Variants in SNX10 observed in about 807,000 individuals in gnomAD.
SNX10 encodes sorting nexin 10.
Under a neutral mutation model 28.5 loss-of-function variants are expected in SNX10, and 25 were observed. That is an observed-to-expected ratio of 0.88 (90% CI 0.64 to 1.22). The LOEUF is 1.22. SNX10 is among the 50% of genes most tolerant of loss of function. The pLI is 0.00. For missense variants in SNX10, 223 were observed against 242.6 expected, an observed-to-expected ratio of 0.92 and a Z score of 0.54; for synonymous variants, 62 against 81.4, an observed-to-expected ratio of 0.76 and a Z score of 1.28.
chr7:26,311,211 C>G (rs1356470098), intron 1 of SNX10, among the ~76,000 whole-genome samples: 1 of 152,186 alleles, frequency 6.6e-6, no homozygotes, highest in Non-Finnish European at 1.5e-5. Flanking sequence ...AATGCAGTGT[C>G]AGGATCTCAG....
chr7:26,332,672 G>A (rs1317674105), intron 1 of SNX10, among the ~76,000 whole-genome samples: 1 of 152,118 alleles, frequency 6.6e-6, no homozygotes, highest in Non-Finnish European at 1.5e-5. Flanking sequence ...ACTAACTGCT[G>A]TGTTTTCGTC....
intron 1 of SNX10, among the ~76,000 whole-genome samples, chr7:26,309,093 G>A (rs981847862): frequency 8.5e-5 from 13 of 152,192 alleles, no homozygotes; most frequent in African/African-American, 2.9e-4. Context: ...CTCCATTCAT[G>A]GGGGACTGGG....
chr7:26,325,324 T>TATATATATATATATATATATATATAC (rs1787462854), intron 1 of SNX10, among the ~76,000 whole-genome samples: 1 of 124,896 alleles, frequency 8.0e-6, no homozygotes, highest in Admixed American at 8.1e-5. Flanking sequence ...TATATATATA[T>TATATATATATATATATATATATATAC]ATATTTGAGA....
At chr7:26,328,037 T>G (rs1787572931) in intron 1 of SNX10, among the ~76,000 whole-genome samples, 1 of 152,172 alleles carries the variant, frequency 6.6e-6, no homozygotes, top group South Asian at 2.1e-4. Context: ...ACATTCTTTT[T>G]CTTGTTTATT....
chr7:26,338,183 C>G (rs1346753447), intron 1 of SNX10, among the ~76,000 whole-genome samples: 3 of 140,878 alleles, frequency 2.1e-5, no homozygotes, highest in African/African-American at 8.0e-5. Context: ...GTGGCATGGT[C>G]TTGGCTCACT....
Position 26,364,182 on chromosome 7 carries a change from C to A in SNX10, c.112-353C>A. 3 of 324,844 alleles carry A rather than the reference C, an allele frequency of 9.2e-6. No homozygotes were observed. The highest frequency in any genetic ancestry group is 1.3e-5 in the Non-Finnish European group (3 of 223,952). 20.1% of individuals were successfully genotyped at this position (324,844 alleles called of 1,614,324 possible). On this transcript the variant is annotated intron_variant, in intron 3 of 6. Transcript: ENST00000338523. The surrounding 1 kb of genome is among the most constrained non-coding windows in gnomAD (Gnocchi z 4.9). ...TTACGTGGATGGTGGTAAAATGCAACGGATGAACCTGAGCTCCTACCTGTC... is the reference window on the plus strand; with the variant it reads ...TTACGTGGATGGTGGTAAAATGCAAAGGATGAACCTGAGCTCCTACCTGTC...
intron 1 of SNX10, among the ~76,000 whole-genome samples, chr7:26,314,529 A>G (rs925564368): frequency 6.6e-6 from 1 of 152,226 alleles, no homozygotes; most frequent in Non-Finnish European, 1.5e-5. Flanking sequence ...TTTAAAACAC[A>G]TTGCTCTGAA....
At chr7:26,359,766 C>T (rs1788991432) in intron 2 of SNX10, among the ~76,000 whole-genome samples, 1 of 151,660 alleles carries the variant, frequency 6.6e-6, no homozygotes, top group Non-Finnish European at 1.5e-5. Context: ...TGAGTTAAAG[C>T]GATTCTCCTG....
intron 2 of SNX10, among the ~76,000 whole-genome samples, chr7:26,358,529 T>C (rs919195757): frequency 1.3e-5 from 2 of 151,974 alleles, no homozygotes; most frequent in African/African-American, 4.8e-5. Flanking sequence ...TGCTTGAGCC[T>C]AGGAGTTCAG....
At chr7:26,336,801 T>C (rs1011170329) in intron 1 of SNX10, among the ~76,000 whole-genome samples, 1 of 152,250 alleles carries the variant, frequency 6.6e-6, no homozygotes, top group East Asian at 1.9e-4. Flanking sequence ...TAGTCTGTCA[T>C]GCAGATGGAA....
intron 1 of SNX10, among the ~76,000 whole-genome samples, chr7:26,325,894 AT>A (rs1201300841): frequency 4.0e-5 from 6 of 149,480 alleles, no homozygotes; most frequent in Non-Finnish European, 6.0e-5. Context: ...CACCTGGCTA[AT>A]TTTTGTATTT....
intron 1 of SNX10, among the ~76,000 whole-genome samples, chr7:26,307,596 T>C (rs1786649380): frequency 6.6e-6 from 1 of 152,062 alleles, no homozygotes; most frequent in African/African-American, 2.4e-5. Flanking sequence ...TATGGGTGCG[T>C]GCCATGAAAC....
chr7:26,291,931 A>AGCGCGGGGC lies in SNX10; in HGVS notation c.-171_-170insCGCGCGGGG. Reference sequence around the variant, plus strand: ...GCGCGGGGCCGCTACGTGCGCGGGGAGCGCGGGGAGCGCGGGGAGCGCGGG... The same window carrying AGCGCGGGGC: ...GCGCGGGGCCGCTACGTGCGCGGGGAGCGCGGGGCGCGCGGGGAGCGCGGGGAGCGCGGG... On this transcript the variant is annotated 5_prime_UTR_variant, in exon 1 of 7. Coordinates refer to ENST00000338523, the MANE Select transcript of SNX10 (RefSeq NM_013322.3). 7.0e-6 allele frequency: 1 copy of AGCGCGGGGC among 142,734 alleles called. No homozygotes were observed. The highest frequency in any genetic ancestry group is 1.5e-5 in the Non-Finnish European group (1 of 64,554). 8.8% of individuals were successfully genotyped at this position (142,734 alleles called of 1,614,324 possible). A position where few individuals can be genotyped will look rare whatever the true frequency, so the allele number is the denominator to read the frequency against.
At position 26,360,962 on chromosome 7, in the gene SNX10, G is replaced by A. The variant is rs1486148511; in HGVS notation, c.25-13G>A. ...TTCTGAAGAATATTTCTTTGTTTAT[G>A]ATGCCATTACAGGAATTTGTAAGTG... On this transcript the variant is annotated splice_polypyrimidine_tract_variant and intron_variant, in intron 2 of 6. Coordinates refer to ENST00000338523, the MANE Select transcript of SNX10 (RefSeq NM_013322.3). 1.3e-6 allele frequency: 2 copies of A among 1,567,318 alleles called. No individual in the cohort carries two copies. Among genetic ancestry groups the A allele is most frequent in the African/African-American group, 2.7e-5 (2 of 72,978 alleles).
chr7:26,373,885 A>G lies in SNX10; in HGVS notation c.*1313A>G, dbSNP rs929244072. ...GTCTTTACAATGCTTGTTTCAAAGAACCAACAGAAAAAAAAGCTAAGAAAA... is the reference window on the plus strand; with the variant it reads ...GTCTTTACAATGCTTGTTTCAAAGAGCCAACAGAAAAAAAAGCTAAGAAAA... On this transcript the variant is annotated 3_prime_UTR_variant, in exon 7 of 7. Coordinates refer to ENST00000338523, the MANE Select transcript of SNX10 (RefSeq NM_013322.3). This position sits in a 1 kb window ranked among gnomAD's most constrained non-coding sequence, Gnocchi z 4.2. 1.3e-5 allele frequency: 2 copies of G among 152,048 alleles called. No homozygotes were observed. Among genetic ancestry groups the G allele is most frequent in the Non-Finnish European group, 2.9e-5 (2 of 67,886 alleles). 9.4% of individuals were successfully genotyped at this position (152,048 alleles called of 1,614,324 possible).
intron 1 of SNX10, among the ~76,000 whole-genome samples, chr7:26,310,553 G>T (rs961660609): frequency 3.3e-5 from 5 of 152,138 alleles, no homozygotes; most frequent in African/African-American, 1.2e-4. Flanking sequence ...CTTTGGGGAG[G>T]TGGCCTTTAA....
chr7:26,318,548 A>G (rs908162405), intron 1 of SNX10, among the ~76,000 whole-genome samples: 1 of 152,082 alleles, frequency 6.6e-6, no homozygotes, highest in African/African-American at 2.4e-5. Flanking sequence ...GCTCACTGCA[A>G]TCTCTGCCTC....
intron 2 of SNX10, chr7:26,357,064 A>C (rs1403117632): frequency 8.1e-7 from 1 of 1,228,354 alleles, no homozygotes; most frequent in East Asian, 5.8e-5. Flanking sequence ...TGAGGCATTC[A>C]AGTCTTACAA....
intron 1 of SNX10, among the ~76,000 whole-genome samples, chr7:26,321,461 G>A (rs1787303830): frequency 6.6e-6 from 1 of 152,128 alleles, no homozygotes; most frequent in Non-Finnish European, 1.5e-5. Context: ...TTTACTTACA[G>A]GATCACAAGA....
Sources: allele counts gnomAD v4.1 joint callset (sites outside exome capture counted in the v4.1 genomes callset), GRCh38; gene constraint gnomAD v4.1.1; non-coding constraint Gnocchi (gnomAD v3.1); transcripts MANE v1.5; gene names NCBI Gene and HGNC (gene_info 2026-07-23, HGNC 2026-07-21).